Variants in SNTG1 observed in about 807,000 individuals in gnomAD.
The protein encoded by SNTG1 is syntrophin gamma 1, also known as gamma-1-syntrophin.
SNTG1 carries 39 observed loss-of-function variants against 74.7 expected under a neutral mutation model. That is an observed-to-expected ratio of 0.52 (90% confidence interval 0.40 to 0.68). SNTG1 has a LOEUF of 0.68. Ranked by LOEUF, SNTG1 falls within the 30% of genes least tolerant of loss-of-function variation. The pLI, the probability that SNTG1 is intolerant of heterozygous loss-of-function variation, is 0.00. For synonymous variants in SNTG1, 254 were observed against 217.1 expected (o/e 1.17, Z -1.49); for missense variants, 685 against 609.5 (o/e 1.12, Z -1.30).
At chr8:50,677,418 T>G (rs958269878) in intron 15 of SNTG1, among the ~76,000 whole-genome samples, 2 of 151,980 alleles carry the variant, frequency 1.3e-5, no homozygotes, top group South Asian at 4.1e-4. Context: ...ATATCCTTAA[T>G]GTAAGAAAAA....
At chr8:50,405,958 G>A (rs1029697964) in intron 4 of SNTG1, among the ~76,000 whole-genome samples, 10 of 151,930 alleles carry the variant, frequency 6.6e-5, no homozygotes, top group African/African-American at 2.2e-4. Flanking sequence ...TGCCAGTAAC[G>A]CACAGTTATG....
intron 2 of SNTG1, among the ~76,000 whole-genome samples, chr8:50,262,711 A>G (rs2087257452): frequency 6.6e-6 from 1 of 152,028 alleles, no homozygotes; most frequent in Non-Finnish European, 1.5e-5. Flanking sequence ...GCCCGGCCCG[A>G]AATCTTTTTT....
chr8:50,221,623 A>C (rs1425455663), intron 2 of SNTG1, among the ~76,000 whole-genome samples: 1 of 152,062 alleles, frequency 6.6e-6, no homozygotes, highest in Non-Finnish European at 1.5e-5. Flanking sequence ...GATCTGGTAG[A>C]AGATTGCAGT....
chr8:50,415,473 T>C (rs1358557514), intron 4 of SNTG1, among the ~76,000 whole-genome samples: 1 of 152,136 alleles, frequency 6.6e-6, no homozygotes, highest in Non-Finnish European at 1.5e-5. Context: ...CATGTTAACA[T>C]AATATATCAA....
chr8:50,507,820 G>A (rs1022833556), intron 9 of SNTG1, among the ~76,000 whole-genome samples: 2 of 151,468 alleles, frequency 1.3e-5, no homozygotes, highest in South Asian at 2.1e-4. Flanking sequence ...ATCTCCTAAT[G>A]TTATCCCTTC....
In SNTG1 at chr8:50,308,193, C is replaced by A. The variant is rs180747949; in HGVS notation, c.-27-86019C>A. 2.0e-4 allele frequency among the ~76,000 whole-genome samples: 31 copies of A among 151,806 alleles called. No homozygotes were observed. The East Asian group carries it at 5.0e-3, about 25-fold the overall frequency. The stretch of plus-strand genomic sequence containing the variant: ...CAGCACCTTCAGACTTTATCAGAGA[C>A]CCCTTTCACTCTGGTATTAATTTGA... On this transcript the variant is annotated intron_variant, in intron 2 of 18. Coordinates refer to ENST00000642720, the MANE Select transcript of SNTG1 (RefSeq NM_018967.5).
chr8:49,915,660 A>G (rs1563342074), intron 1 of SNTG1, among the ~76,000 whole-genome samples: 2 of 152,216 alleles, frequency 1.3e-5, no homozygotes, highest in Non-Finnish European at 2.9e-5. Flanking sequence ...TCTAGTTTAT[A>G]AAGGAGGATT....
At chr8:50,557,221 C>CAAAAAA (rs570613406) in intron 12 of SNTG1, among the ~76,000 whole-genome samples, 4 of 71,634 alleles carry the variant, frequency 5.6e-5, no homozygotes, top group African/African-American at 1.5e-4. Context: ...GGGAGAAAAC[C>CAAAAAA]AAAAAAAAAA....
intron 4 of SNTG1, among the ~76,000 whole-genome samples, chr8:50,415,406 G>T (rs766153020): frequency 6.6e-6 from 1 of 151,992 alleles, no homozygotes; most frequent in African/African-American, 2.4e-5. Context: ...AATGGAATAG[G>T]TAATAACGTA....
chr8:50,005,709 G>A (rs2130501080), intron 1 of SNTG1, among the ~76,000 whole-genome samples: 2 of 152,124 alleles, frequency 1.3e-5, no homozygotes, highest in Middle Eastern at 6.8e-3. Flanking sequence ...TTGAAATTCA[G>A]ATATAAAACC....
At chr8:50,394,035 C>G (rs1365626588) in intron 2 of SNTG1, among the ~76,000 whole-genome samples, 177 bp from the exon 3 acceptor site, 2 of 152,150 alleles carry the variant, frequency 1.3e-5, no homozygotes, top group Non-Finnish European at 2.9e-5. Flanking sequence ...GGGATTAAGA[C>G]TTTTTTCATC....
At chr8:50,716,993 C>T (rs1476342425) in intron 17 of SNTG1, among the ~76,000 whole-genome samples, 3 of 152,128 alleles carry the variant, frequency 2.0e-5, no homozygotes, top group African/African-American at 7.2e-5. Context: ...GCCTCAGCCT[C>T]CCAAAATGCT....
intron 1 of SNTG1, among the ~76,000 whole-genome samples, chr8:50,104,186 G>C (rs934881368): frequency 6.6e-6 from 1 of 152,110 alleles, no homozygotes; most frequent in Non-Finnish European, 1.5e-5. Context: ...GAATCCATCT[G>C]GTCTTGGACT....
chr8:50,590,934 C>T lies in SNTG1; in HGVS notation c.849+17C>T. 2 of 1,530,342 alleles carry T rather than the reference C, an allele frequency of 1.3e-6. No homozygotes were observed. The highest frequency in any genetic ancestry group is 1.4e-5 in the African/African-American group (1 of 71,346). 94.8% of individuals were successfully genotyped at this position (1,530,342 alleles called of 1,614,324 possible). On this transcript the variant is annotated intron_variant, in intron 13 of 18. Transcript: ENST00000642720. ...AACCAGCAGGTAAGATCAAAGCATA[C>T]TTGGAAAGCTAAATAATATATTTCT...
Position 50,423,271 on chromosome 8 carries a change from T to C in SNTG1, c.163-15272T>C, listed in dbSNP as rs549605733. The stretch of plus-strand genomic sequence containing the variant: ...TAACAGAAATTTTTAAATCAGTTTG[T>C]TCTCTGTTATGTTTATAGCATGTAA... On this transcript the variant is annotated intron_variant, in intron 4 of 18. Coordinates refer to ENST00000642720, the MANE Select transcript of SNTG1 (RefSeq NM_018967.5). 2.0e-4 allele frequency among the ~76,000 whole-genome samples: 31 copies of C among 152,306 alleles called. No individual in the cohort carries two copies. The South Asian group carries it at 5.2e-3, about 25-fold the overall frequency.
At chr8:49,983,538 A>G (rs1396981472) in intron 1 of SNTG1, among the ~76,000 whole-genome samples, 1 of 152,220 alleles carries the variant, frequency 6.6e-6, no homozygotes, top group African/African-American at 2.4e-5. Context: ...AATTTATGAG[A>G]TCACAGCTTA....
At chr8:50,004,979 T>G (rs544750373) in intron 1 of SNTG1, among the ~76,000 whole-genome samples, 1 of 152,204 alleles carries the variant, frequency 6.6e-6, no homozygotes, top group South Asian at 2.1e-4. Context: ...TTTCCATTAG[T>G]TAAACCAATA....
chr8:50,633,254 G>A (rs2095015303), intron 13 of SNTG1, among the ~76,000 whole-genome samples: 1 of 152,146 alleles, frequency 6.6e-6, no homozygotes, highest in Non-Finnish European at 1.5e-5. Context: ...GTTTCTAATG[G>A]TTCTTCACGT....
At chr8:50,356,108 C>A (rs1392432389) in intron 2 of SNTG1, among the ~76,000 whole-genome samples, 5 of 151,884 alleles carry the variant, frequency 3.3e-5, no homozygotes, top group African/African-American at 1.2e-4. Flanking sequence ...GATTTTCCAT[C>A]CATGTGCAGT....
Sources: gnomAD v4.1 joint callset for allele counts (sites outside exome capture counted in the v4.1 genomes callset) on GRCh38, gnomAD v4.1.1 for gene constraint, MANE v1.5 for transcripts, NCBI Gene and HGNC (gene_info 2026-07-23, HGNC 2026-07-21) for gene names.